Variants in LRRC37A2 observed in about 807,000 individuals in gnomAD.
The protein encoded by LRRC37A2 is leucine rich repeat containing 37 member A2.
Under a neutral mutation model 68.8 loss-of-function variants are expected in LRRC37A2, and 9 were observed. The ratio of observed to expected loss-of-function variants is 0.13; its 90% CI spans 0.08 to 0.23. The LOEUF (loss-of-function observed/expected upper bound fraction) is 0.23, where lower values mean the gene tolerates loss of function less well. Ranked by LOEUF, LRRC37A2 falls within the 10% of genes least tolerant of loss-of-function variation. The probability of loss-of-function intolerance (pLI) is 1.00; values close to 1 mark genes in which losing one functional copy is unlikely to be tolerated. For missense variants in LRRC37A2, 168 were observed against 950.4 expected, an observed-to-expected ratio of 0.18 and a Z score of 10.82; for synonymous variants, 63 against 367.6, an observed-to-expected ratio of 0.17 and a Z score of 9.48.
the LRRC37A2 span, chr17:46,872,585 G>T: frequency 6.2e-7 from 1 of 1,609,552 alleles, no homozygotes; most frequent in Non-Finnish European, 8.5e-7. Context: ...GCACAGGGCG[G>T]GGCCCACCTG....
At chr17:46,896,416 A>AAGAG in the LRRC37A2 span, among the ~76,000 whole-genome samples, 1 of 78,174 alleles carries the variant, frequency 1.3e-5, no homozygotes, top group Non-Finnish European at 2.2e-5. Flanking sequence ...GAAAGAAAGA[A>AAGAG]AGAAAGAAAG....
the LRRC37A2 span, among the ~76,000 whole-genome samples, chr17:47,038,563 C>T: frequency 6.7e-6 from 1 of 150,138 alleles, no homozygotes; most frequent in African/African-American, 2.4e-5. Context: ...CAATGGTATA[C>T]AAAAACTTCG....
the LRRC37A2 span, chr17:46,935,083 C>T: frequency 6.2e-7 from 1 of 1,612,688 alleles, no homozygotes; most frequent in East Asian, 2.2e-5. Flanking sequence ...CTCCTCCCTC[C>T]AGAAAGTTCA....
the LRRC37A2 span, among the ~76,000 whole-genome samples, chr17:46,761,549 G>A: frequency 1.3e-5 from 2 of 151,872 alleles, no homozygotes; most frequent in Admixed American, 6.6e-5. Context: ...TGGCCAAGCT[G>A]GTCTCGAACT....
At chr17:46,846,885 G>A in the LRRC37A2 span, among the ~76,000 whole-genome samples, 38 of 152,176 alleles carry the variant, frequency 2.5e-4, no homozygotes, top group Non-Finnish European at 4.4e-4. Flanking sequence ...TCCCAAGATA[G>A]GACAGGGGCC....
the LRRC37A2 span, among the ~76,000 whole-genome samples, chr17:47,038,523 T>C: frequency 6.6e-6 from 1 of 151,200 alleles, no homozygotes; most frequent in Non-Finnish European, 1.5e-5. Flanking sequence ...TTTTATAACG[T>C]TGTAGTTCAG....
the LRRC37A2 span, among the ~76,000 whole-genome samples, chr17:46,791,797 C>G: frequency 6.7e-6 from 1 of 149,096 alleles, no homozygotes; most frequent in South Asian, 2.1e-4. Context: ...CACAGCACTT[C>G]AGAATTTCGA....
At chr17:46,950,231 C>A in the LRRC37A2 span, among the ~76,000 whole-genome samples, 2 of 152,224 alleles carry the variant, frequency 1.3e-5, no homozygotes, top group African/African-American at 2.4e-5. Context: ...CTATCCCTCA[C>A]CCCCAGCTGG....
the LRRC37A2 span, among the ~76,000 whole-genome samples, chr17:46,836,943 T>C: frequency 6.6e-6 from 1 of 152,204 alleles, no homozygotes; most frequent in Non-Finnish European, 1.5e-5. Flanking sequence ...TATTTCTTTT[T>C]CTTTTTTTCT....
the LRRC37A2 span, among the ~76,000 whole-genome samples, chr17:46,730,958 G>A: frequency 1.8e-5 from 2 of 111,694 alleles, no homozygotes; most frequent in African/African-American, 2.9e-5. Flanking sequence ...TGTATGCACT[G>A]CTGGTAAGAA....
the LRRC37A2 span, among the ~76,000 whole-genome samples, chr17:46,998,295 G>C: frequency 3.7e-4 from 57 of 152,284 alleles, no homozygotes; most frequent in South Asian, 0.011. Flanking sequence ...ATCCCGGCTC[G>C]GCCGTGAGTG....
the LRRC37A2 span, among the ~76,000 whole-genome samples, chr17:46,851,397 T>G: frequency 3.7e-5 from 5 of 135,562 alleles, no homozygotes; most frequent in Non-Finnish European, 4.9e-5. This position sits in a 1 kb window ranked among gnomAD's most constrained non-coding sequence, Gnocchi z 4.3. Context: ...GGCGGGGCAA[T>G]GGGGGAGGGG....
At chr17:46,797,269 G>A in the LRRC37A2 span, among the ~76,000 whole-genome samples, 1 of 152,168 alleles carries the variant, frequency 6.6e-6, no homozygotes, top group African/African-American at 2.4e-5. Flanking sequence ...GTCCTACTCT[G>A]GCCCAAGAGC....
chr17:46,841,853 G>A, the LRRC37A2 span, among the ~76,000 whole-genome samples: 439 of 152,362 alleles, frequency 2.9e-3, 1 homozygote, highest in Non-Finnish European at 4.6e-3. Flanking sequence ...AAGTGAAGGG[G>A]TAGGCCGACC....
chr17:46,960,833 T>G, the LRRC37A2 span, among the ~76,000 whole-genome samples: 1 of 152,170 alleles, frequency 6.6e-6, no homozygotes, highest in Non-Finnish European at 1.5e-5. Flanking sequence ...AGATCAGTAG[T>G]TGTCTGCATT....
At chr17:47,019,668 A>G in the LRRC37A2 span, 1 of 1,398,344 alleles carries the variant, frequency 7.2e-7, no homozygotes, top group African/African-American at 1.5e-5. Context: ...GAAGGCCTCC[A>G]CAAGCACCAA....
At chr17:46,941,215 G>T in the LRRC37A2 span, 1 of 997,120 alleles carries the variant, frequency 1.0e-6, no homozygotes, top group Non-Finnish European at 1.2e-6. Flanking sequence ...TAAGTTAGAG[G>T]AGTCTTGATT....
chr17:46,771,926 C>T, the LRRC37A2 span, among the ~76,000 whole-genome samples: 7 of 145,294 alleles, frequency 4.8e-5, no homozygotes, highest in African/African-American at 1.7e-4. Flanking sequence ...GCGCCTCGGG[C>T]CCGCCGCGCC....
At chr17:46,732,092 T>G in the LRRC37A2 span, among the ~76,000 whole-genome samples, 11 of 152,208 alleles carry the variant, frequency 7.2e-5, no homozygotes, top group Non-Finnish European at 1.5e-4. Context: ...ATTGTAGAAA[T>G]GCATAGAGTG....
Sources: gnomAD v4.1 joint callset for allele counts (sites outside exome capture counted in the v4.1 genomes callset) on GRCh38, gnomAD v4.1.1 for gene constraint, Gnocchi (gnomAD v3.1) non-coding constraint, MANE v1.5 for transcripts, NCBI Gene and HGNC (gene_info 2026-07-23, HGNC 2026-07-21) for gene names.